The following GRIN2A variants were observed in gnomAD, a reference collection of about 807,000 sequenced individuals.
The protein encoded by GRIN2A is glutamate receptor ionotropic, NMDA 2A.
In GRIN2A, 22 loss-of-function variants were observed where a neutral mutation model predicts 113.4. The ratio of observed to expected loss-of-function variants is 0.19; its 90% CI spans 0.14 to 0.28. The LOEUF (loss-of-function observed/expected upper bound fraction) is 0.28, where lower values mean the gene tolerates loss of function less well. Ranked by LOEUF, GRIN2A falls within the 10% of genes least tolerant of loss-of-function variation. The pLI is 1.00. For missense variants in GRIN2A, 1,502 were observed against 1,887.0 expected (o/e 0.80, Z 3.78); for synonymous variants, 827 against 738.4 (o/e 1.12, Z -1.94).
chr16:9,873,663 G>C (rs2043308107), intron 4 of GRIN2A, among the ~76,000 whole-genome samples: 1 of 152,220 alleles, frequency 6.6e-6, no homozygotes, highest in Non-Finnish European at 1.5e-5. Flanking sequence ...TCTTGCAGAA[G>C]AAGGCTGAAC....
At chr16:9,833,476 T>G (rs2042532569) in intron 8 of GRIN2A, among the ~76,000 whole-genome samples, 1 of 152,214 alleles carries the variant, frequency 6.6e-6, no homozygotes, top group Non-Finnish European at 1.5e-5. Flanking sequence ...CCCATGACAA[T>G]TTTAGCATTT....
chr16:9,990,361 T>G lies in GRIN2A; in HGVS notation c.415-51810A>C, dbSNP rs77479911. Among the ~76,000 whole-genome samples the G allele has an allele frequency of 9.5e-3, 1,445 of 151,738 alleles. 18 individuals carry two copies. The highest frequency in any genetic ancestry group is 0.032 in the African/African-American group (1,308 of 41,360). On this transcript the variant is annotated intron_variant, in intron 2 of 12. Transcript: ENST00000330684. ...CTCATGGACATAAAGATGGGAACAA[T>G]AGACATTGGGGATCCCAAAAGGGAG... is the stretch of plus-strand genomic sequence containing the variant.
chr16:9,843,594 A>G (rs2042720583), intron 5 of GRIN2A, among the ~76,000 whole-genome samples: 1 of 152,000 alleles, frequency 6.6e-6, no homozygotes, highest in Non-Finnish European at 1.5e-5. Flanking sequence ...GTCTTGAATC[A>G]CTCTCTTCAC....
At chr16:10,051,548 A>T (rs2047360457) in intron 2 of GRIN2A, among the ~76,000 whole-genome samples, 2 of 152,238 alleles carry the variant, frequency 1.3e-5, no homozygotes, top group African/African-American at 4.8e-5. Context: ...TGCTCCAAGT[A>T]TACAAAGCTG....
intron 5 of GRIN2A, among the ~76,000 whole-genome samples, chr16:9,848,665 AAT>A (rs1422939584): frequency 7.6e-5 from 11 of 145,546 alleles, no homozygotes; most frequent in South Asian, 4.2e-4. Flanking sequence ...TAATACATAA[AAT>A]ATATGTTTTA....
chr16:10,118,822 A>G (rs1414922464), intron 2 of GRIN2A, among the ~76,000 whole-genome samples: 2 of 152,224 alleles, frequency 1.3e-5, no homozygotes, highest in Non-Finnish European at 2.9e-5. Flanking sequence ...GAGCCATTCA[A>G]TATTGATTTA....
At chr16:9,932,807 C>T (rs1272320825) in intron 3 of GRIN2A, among the ~76,000 whole-genome samples, 3 of 152,118 alleles carry the variant, frequency 2.0e-5, no homozygotes, top group African/African-American at 7.2e-5. Flanking sequence ...CTGAGGGAGC[C>T]GACGTGGAGT....
intron 2 of GRIN2A, among the ~76,000 whole-genome samples, chr16:9,998,104 A>ATGTTTTTGGAGGT (rs2046258177): frequency 2.0e-5 from 3 of 152,178 alleles, no homozygotes; most frequent in Non-Finnish European, 4.4e-5. Context: ...GTCTGTTTTT[A>ATGTTTTTGGAGGT]CCCAAAAACA....
At position 9,755,606 on chromosome 16, in the gene GRIN2A, C is replaced by T. The variant is rs1465231462; in HGVS notation, c.*7543G>A. On this transcript the variant is annotated 3_prime_UTR_variant, in exon 13 of 13. Coordinates refer to ENST00000330684, the MANE Select transcript of GRIN2A (RefSeq NM_001134407.3). ...TCATCCATCAAATGGGCCTAATGCA[C>T]CCCTCACCTCTCAGTAAATATAAAT... 5.4e-6 allele frequency: 1 copy of T among 186,010 alleles called. No homozygotes were observed. Among genetic ancestry groups the T allele is most frequent in the Non-Finnish European group, 1.1e-5 (1 of 87,870 alleles). 11.5% of individuals were successfully genotyped at this position (186,010 alleles called of 1,614,324 possible).
At chr16:9,947,266 G>A (rs1366056397) in intron 2 of GRIN2A, among the ~76,000 whole-genome samples, 1 of 151,926 alleles carries the variant, frequency 6.6e-6, no homozygotes, top group African/African-American at 2.4e-5. Flanking sequence ...TCTCTAATAT[G>A]TGCTGAGATT....
chr16:9,830,683 C>T (rs1173249379), intron 8 of GRIN2A, among the ~76,000 whole-genome samples: 1 of 152,144 alleles, frequency 6.6e-6, no homozygotes, highest in Non-Finnish European at 1.5e-5. Flanking sequence ...TTATGAAGTG[C>T]TGGGCAGGAA....
At chr16:9,813,026 A>G (rs2042114843) in intron 10 of GRIN2A, among the ~76,000 whole-genome samples, 1 of 152,256 alleles carries the variant, frequency 6.6e-6, no homozygotes, top group African/African-American at 2.4e-5. Flanking sequence ...AATGCTCTTC[A>G]TCGTACAGAA....
chr16:9,838,806 G>A (rs1445017926), intron 7 of GRIN2A, among the ~76,000 whole-genome samples: 1 of 152,108 alleles, frequency 6.6e-6, no homozygotes, highest in African/African-American at 2.4e-5. Context: ...GGTTTTTCAA[G>A]AATGGAAAAT....
chr16:9,942,596 C>A (rs1268245873), intron 2 of GRIN2A, among the ~76,000 whole-genome samples: 1 of 152,188 alleles, frequency 6.6e-6, no homozygotes, highest in Non-Finnish European at 1.5e-5. Flanking sequence ...CAGACATCGT[C>A]AGAAACCTAA....
intron 2 of GRIN2A, among the ~76,000 whole-genome samples, chr16:10,079,410 C>T (rs2047937702): frequency 6.6e-6 from 1 of 152,152 alleles, no homozygotes; most frequent in Non-Finnish European, 1.5e-5. Context: ...GAGGAAAACG[C>T]TAAGCCCATG....
chr16:10,149,620 C>G (rs910836072), intron 2 of GRIN2A, among the ~76,000 whole-genome samples: 9 of 152,126 alleles, frequency 5.9e-5, no homozygotes, highest in Non-Finnish European at 1.2e-4. Flanking sequence ...CAAGCACATC[C>G]CCAAACTGGT....
Position 9,755,605 on chromosome 16 carries a change from A to G in GRIN2A, c.*7544T>C, listed in dbSNP as rs1469144276. On this transcript the variant is annotated 3_prime_UTR_variant, in exon 13 of 13. Coordinates refer to ENST00000330684, the MANE Select transcript of GRIN2A (RefSeq NM_001134407.3). ...CTCATCCATCAAATGGGCCTAATGC[A>G]CCCCTCACCTCTCAGTAAATATAAA... 1 of 185,810 alleles carries G rather than the reference A, an allele frequency of 5.4e-6. No individual in the cohort carries two copies. The highest frequency in any genetic ancestry group is 2.3e-5 in the African/African-American group (1 of 42,590). 11.5% of individuals were successfully genotyped at this position (185,810 alleles called of 1,614,324 possible).
At chr16:9,919,038 T>G (rs1268143010) in intron 3 of GRIN2A, among the ~76,000 whole-genome samples, 1 of 152,010 alleles carries the variant, frequency 6.6e-6, no homozygotes, top group Non-Finnish European at 1.5e-5. Flanking sequence ...CCAGGCGTGG[T>G]GGTGTGCGCC....
intron 2 of GRIN2A, among the ~76,000 whole-genome samples, chr16:9,957,570 A>C (rs746572226): frequency 6.6e-6 from 1 of 152,214 alleles, no homozygotes; most frequent in Non-Finnish European, 1.5e-5. Flanking sequence ...TGGCCAGAGT[A>C]GTGGAAATAA....
Sources: allele counts gnomAD v4.1 joint callset (sites outside exome capture counted in the v4.1 genomes callset), GRCh38; gene constraint gnomAD v4.1.1; transcripts MANE v1.5; gene names NCBI Gene and HGNC (gene_info 2026-07-23, HGNC 2026-07-21).